Variants in SLC22A15 observed in about 807,000 individuals in gnomAD.
SLC22A15 encodes solute carrier family 22 member 15, also known as flipt 1.
In SLC22A15, 45 loss-of-function variants were observed where a neutral mutation model predicts 62.7. The ratio of observed to expected loss-of-function variants is 0.72; its 90% CI spans 0.56 to 0.92. The LOEUF (loss-of-function observed/expected upper bound fraction) is 0.92. Among genes scored for constraint, SLC22A15 ranks in the 40% least tolerant of loss-of-function variants. SLC22A15 has a pLI of 0.00. For missense variants in SLC22A15, 622 were observed against 665.6 expected, an observed-to-expected ratio of 0.93 and a Z score of 0.72; for synonymous variants, 264 against 267.0, an observed-to-expected ratio of 0.99 and a Z score of 0.11.
At chr1:116,010,034 A>G (rs1441263599) in intron 2 of SLC22A15, among the ~76,000 whole-genome samples, 1 of 152,084 alleles carries the variant, frequency 6.6e-6, no homozygotes, top group East Asian at 1.9e-4. Context: ...ATAAAAGGTT[A>G]GGTGGATGTG....
intron 1 of SLC22A15, among the ~76,000 whole-genome samples, chr1:115,991,730 CCATATAAG>C (rs979709398): frequency 7.9e-5 from 12 of 152,234 alleles, no homozygotes; most frequent in South Asian, 2.1e-4. Flanking sequence ...TACTTTTGAA[CCATATAAG>C]CATATAAGCA....
Position 116,039,549 on chromosome 1 carries a change from AT to A in SLC22A15, c.1171+2164del, listed in dbSNP as rs542057015. 8.8e-3 allele frequency among the ~76,000 whole-genome samples: 1,333 copies of A among 152,146 alleles called. 69 individuals are homozygous for A. Among genetic ancestry groups the A allele is most frequent in the Admixed American group, 0.079 (1,200 of 15,278 alleles). ...ATTCTGTCTCAATTTAAAAAAAAAG[AT>A]TTCCAGGGAAATTATTTCTATTTTT... On this transcript the variant is annotated intron_variant, in intron 8 of 11. Coordinates refer to ENST00000369503, the MANE Select transcript of SLC22A15 (RefSeq NM_018420.3).
At chr1:115,994,000 G>A (rs1041922047) in intron 2 of SLC22A15, among the ~76,000 whole-genome samples, 8 of 152,026 alleles carry the variant, frequency 5.3e-5, no homozygotes, top group East Asian at 1.9e-4. Flanking sequence ...CACCTTCCCC[G>A]TGAGTCTTCC....
At chr1:116,000,518 A>G (rs1377743217) in intron 2 of SLC22A15, among the ~76,000 whole-genome samples, 1 of 151,774 alleles carries the variant, frequency 6.6e-6, no homozygotes, top group East Asian at 1.9e-4. Flanking sequence ...TATTCAAGAT[A>G]TGCATAGTTT....
intron 2 of SLC22A15, 78 bp from the exon 3 acceptor site, chr1:116,019,504 C>T (rs1354625622): frequency 7.1e-7 from 1 of 1,405,214 alleles, no homozygotes; most frequent in Non-Finnish European, 9.5e-7. Context: ...TTCTGGTGTA[C>T]AAGTTTTTGT....
intron 5 of SLC22A15, among the ~76,000 whole-genome samples, chr1:116,030,153 A>G (rs927037078): frequency 6.6e-6 from 1 of 152,206 alleles, no homozygotes; most frequent in African/African-American, 2.4e-5. Flanking sequence ...TTTTGCTGAC[A>G]GTCAAATATT....
chr1:116,017,147 C>G (rs559040328), intron 2 of SLC22A15, among the ~76,000 whole-genome samples: 1 of 151,958 alleles, frequency 6.6e-6, no homozygotes, highest in Non-Finnish European at 1.5e-5. Context: ...TTATTTTCCC[C>G]GAAGAGTTTT....
In SLC22A15 at chr1:116,025,039, G is replaced by A. The variant is rs187638615; in HGVS notation, c.599-1854G>A. ...TTAATAAATAGAAGGGCTAAATCCA[G>A]ATTACATTAGGACAATATCGAACAT... On this transcript the variant is annotated intron_variant, in intron 4 of 11. Transcript: ENST00000369503. Among the ~76,000 whole-genome samples the A allele has an allele frequency of 1.3e-3, 196 of 152,158 alleles. 3 individuals are homozygous for A. Among genetic ancestry groups the A allele is most frequent in the African/African-American group, 4.5e-3 (186 of 41,506 alleles).
At position 115,976,714 on chromosome 1, in the gene SLC22A15, G is replaced by T; in HGVS notation, c.87G>T (p.Gln29His). ...YLCFLLAVLL[Q>H]LYVATEAILI... is the part of the protein sequence containing the mutation. ...GCTTCCTGCTGGCCGTGCTGCTGCA[G>T]GTAAGTCCCCGCGGCCCCGCAGCCG... Residue 29 changes from glutamine to histidine, a missense_variant and splice_region_variant, in exon 1 of 12, where the codon CAG (glutamine) becomes CAT (histidine). Gln to His is a conservative substitution (Grantham distance 24, BLOSUM62 0). Transcript: ENST00000369503. 6.3e-7 allele frequency: 1 copy of T among 1,581,680 alleles called. No homozygotes were observed. Among genetic ancestry groups the T allele is most frequent in the Non-Finnish European group, 8.6e-7 (1 of 1,165,780 alleles).
At chr1:116,055,166 A>G (rs951083354) in intron 8 of SLC22A15, among the ~76,000 whole-genome samples, 43 of 150,436 alleles carry the variant, frequency 2.9e-4, no homozygotes, top group Non-Finnish European at 5.4e-4. Flanking sequence ...AGCAAGACTA[A>G]TAAAGAAAAA....
chr1:116,033,530 C>G (rs1365562720), intron 6 of SLC22A15, among the ~76,000 whole-genome samples: 2 of 150,010 alleles, frequency 1.3e-5, no homozygotes, highest in African/African-American at 2.5e-5. Context: ...TTGATACTGT[C>G]ACAGCTTGAT....
At chr1:116,065,356 C>A (rs1377381905) in intron 10 of SLC22A15, among the ~76,000 whole-genome samples, 1 of 152,098 alleles carries the variant, frequency 6.6e-6, no homozygotes, top group Non-Finnish European at 1.5e-5. Context: ...TTCACAAGAC[C>A]CTTCTCCTAA....
intron 1 of SLC22A15, among the ~76,000 whole-genome samples, chr1:115,988,031 T>C (rs1351003722): frequency 1.3e-5 from 2 of 152,204 alleles, no homozygotes; most frequent in Admixed American, 6.5e-5. Flanking sequence ...CCTTCACTTC[T>C]TGAAACTTTA....
intron 5 of SLC22A15, 75 bp downstream of exon 5, chr1:116,027,097 C>T (rs1657132387): frequency 1.4e-6 from 2 of 1,400,330 alleles, no homozygotes; most frequent in Non-Finnish European, 2.0e-6. Context: ...GGTCAATGAG[C>T]AGCATTATTC....
At chr1:116,010,478 ATTAAGTGGTAAT>A (rs1332761170) in intron 2 of SLC22A15, among the ~76,000 whole-genome samples, 1 of 152,112 alleles carries the variant, frequency 6.6e-6, no homozygotes, top group Non-Finnish European at 1.5e-5. Context: ...GACTTCACCC[ATTAAGTGGTAAT>A]TCAGAGTGAC....
chr1:116,040,389 A>G (rs946043503), intron 8 of SLC22A15, among the ~76,000 whole-genome samples: 4 of 152,194 alleles, frequency 2.6e-5, no homozygotes, highest in Non-Finnish European at 5.9e-5. Flanking sequence ...TAACCTTAGA[A>G]CACTTGCTAC....
intron 8 of SLC22A15, among the ~76,000 whole-genome samples, chr1:116,053,733 G>A (rs1658122548): frequency 1.3e-5 from 2 of 152,158 alleles, no homozygotes; most frequent in African/African-American, 4.8e-5. Context: ...AGCCAGAAGA[G>A]AGTGGGGGCG....
intron 8 of SLC22A15, among the ~76,000 whole-genome samples, chr1:116,054,763 C>G (rs543855905): frequency 2.6e-5 from 4 of 152,294 alleles, no homozygotes; most frequent in East Asian, 3.9e-4. Flanking sequence ...CTCAAAACTG[C>G]TCAACTACAT....
At chr1:116,045,686 C>T (rs576777193) in intron 8 of SLC22A15, among the ~76,000 whole-genome samples, 60 of 133,492 alleles carry the variant, frequency 4.5e-4, no homozygotes, top group African/African-American at 1.6e-3. Flanking sequence ...TTGCAGTGAG[C>T]CAAGATCGTG....
Sources: gnomAD v4.1 joint callset for allele counts (sites outside exome capture counted in the v4.1 genomes callset) on GRCh38, gnomAD v4.1.1 for gene constraint, MANE v1.5 for transcripts, NCBI Gene and HGNC (gene_info 2026-07-23, HGNC 2026-07-21) for gene names.